The following RAPGEF2 variants were observed in gnomAD, a reference collection of about 807,000 sequenced individuals.
The protein encoded by RAPGEF2 is PDZ domain containing guanine nucleotide exchange factor (GEF) 1.
RAPGEF2 carries 54 observed loss-of-function variants against 186.7 expected under a neutral mutation model. That is an observed-to-expected ratio of 0.29 (90% CI 0.23 to 0.36). RAPGEF2 has a LOEUF of 0.36. RAPGEF2 is among the 10% of genes least tolerant of loss of function. RAPGEF2 has a pLI of 1.00. For synonymous variants in RAPGEF2, 712 were observed against 705.9 expected (o/e 1.01, Z -0.14); for missense variants, 1,532 against 2,045.0 (o/e 0.75, Z 4.84).
At chr4:159,256,993 C>T (rs1457162936) in intron 7 of RAPGEF2, among the ~76,000 whole-genome samples, 1 of 152,060 alleles carries the variant, frequency 6.6e-6, no homozygotes, top group Non-Finnish European at 1.5e-5. Flanking sequence ...TGTAGGTTGT[C>T]TATTCACTCT....
rs976268612 is a variant in RAPGEF2 at position 159,314,782 on chromosome 4, G to A, written c.853+14G>A. ...ATGATGACATTGGTAAGCTTGAACA[G>A]GAAAATGAATCTACGAGCAATTAAA... On this transcript the variant is annotated intron_variant, in intron 9 of 29. Coordinates refer to ENST00000691494, the MANE Select transcript of RAPGEF2 (RefSeq NM_001394067.2). 6.4e-7 allele frequency: 1 copy of A among 1,565,640 alleles called. No individual in the cohort carries two copies. Among genetic ancestry groups the A allele is most frequent in the East Asian group, 2.3e-5 (1 of 42,954 alleles).
At chr4:159,207,709 G>A (rs1188979014) in intron 3 of RAPGEF2, among the ~76,000 whole-genome samples, 1 of 152,126 alleles carries the variant, frequency 6.6e-6, no homozygotes. Context: ...TTGGGCTAAC[G>A]TTTTTTGTGA....
intron 1 of RAPGEF2, among the ~76,000 whole-genome samples, chr4:159,171,250 C>T (rs1227970021): frequency 6.6e-6 from 1 of 152,170 alleles, no homozygotes; most frequent in Admixed American, 6.5e-5. Context: ...CACTCCTCTC[C>T]GTTTGATTTT....
chr4:159,199,069 A>G (rs1749116632), intron 3 of RAPGEF2, among the ~76,000 whole-genome samples: 2 of 151,814 alleles, frequency 1.3e-5, no homozygotes, highest in African/African-American at 4.8e-5. Context: ...AAAAAAAAAA[A>G]AAAAAAAAAG....
rs1359685388 is a variant in RAPGEF2 at position 159,246,495 on chromosome 4, A to G, written c.543+2704A>G. Reference sequence around the variant, plus strand: ...ATTTCTTACAATGGGTGTATAAGATATAACCATTCCTAGGATATACCTTAA... The same window carrying G: ...ATTTCTTACAATGGGTGTATAAGATGTAACCATTCCTAGGATATACCTTAA... On this transcript the variant is annotated intron_variant, in intron 7 of 29. Coordinates refer to ENST00000691494, the MANE Select transcript of RAPGEF2 (RefSeq NM_001394067.2). Among the ~76,000 whole-genome samples the G allele has an allele frequency of 5.3e-5, 8 of 152,136 alleles. 1 individual carries two copies. Among genetic ancestry groups the G allele is most frequent in the Admixed American group, 4.6e-4 (7 of 15,280 alleles).
At chr4:159,241,146 A>G (rs11930477) in intron 5 of RAPGEF2, 55 bp from the exon 6 acceptor site, 239,891 of 1,316,534 alleles carry the variant, frequency 0.18, 22,629 homozygotes, top group Admixed American at 0.22. Context: ...TGTATCTAAT[A>G]TTAATAGGAA....
At chr4:159,193,170 G>A in intron 2 of RAPGEF2, 30 bp from the exon 3 acceptor site, 1 of 1,404,556 alleles carries the variant, frequency 7.1e-7, no homozygotes, top group Non-Finnish European at 9.4e-7. Context: ...AGTGACAGAT[G>A]TTGAACTCAT....
chr4:159,150,618 G>A (rs1477532545), intron 1 of RAPGEF2, among the ~76,000 whole-genome samples: 1 of 152,178 alleles, frequency 6.6e-6, no homozygotes, highest in African/African-American at 2.4e-5. Flanking sequence ...ATTGAAACAG[G>A]AAGGCAGAGG....
chr4:159,157,714 G>T (rs891534222), intron 1 of RAPGEF2, among the ~76,000 whole-genome samples: 13 of 152,158 alleles, frequency 8.5e-5, no homozygotes, highest in African/African-American at 3.1e-4. Flanking sequence ...GCTTTCTATT[G>T]CCATGGTTTT....
intron 4 of RAPGEF2, among the ~76,000 whole-genome samples, chr4:159,234,671 A>G (rs1208224783): frequency 1.3e-5 from 2 of 149,352 alleles, no homozygotes; most frequent in Non-Finnish European, 3.0e-5. Context: ...TTTATTGGCC[A>G]GTCTGGTCTC....
At chr4:159,235,995 T>G (rs1236480594) in intron 4 of RAPGEF2, among the ~76,000 whole-genome samples, 1 of 152,212 alleles carries the variant, frequency 6.6e-6, no homozygotes, top group Non-Finnish European at 1.5e-5. Context: ...ACTCTTTGGC[T>G]CCTTTGAGGC....
At chr4:159,108,333 G>A (rs955513682) in intron 1 of RAPGEF2, among the ~76,000 whole-genome samples, 2 of 147,850 alleles carry the variant, frequency 1.4e-5, no homozygotes, top group Non-Finnish European at 1.5e-5. Flanking sequence ...GCAGATACTC[G>A]TTTAATGCAG....
intron 8 of RAPGEF2, among the ~76,000 whole-genome samples, chr4:159,312,121 A>G (rs966674963): frequency 1.3e-5 from 2 of 152,118 alleles, no homozygotes; most frequent in Non-Finnish European, 2.9e-5. Flanking sequence ...TTTCTTTGGG[A>G]TGGTATAAAA....
chr4:159,166,694 A>G (rs1223300963), intron 1 of RAPGEF2, among the ~76,000 whole-genome samples: 3 of 152,070 alleles, frequency 2.0e-5, no homozygotes, highest in Non-Finnish European at 4.4e-5. Context: ...TAGTGTCTAT[A>G]TTGTCTTGTT....
intron 4 of RAPGEF2, among the ~76,000 whole-genome samples, chr4:159,219,647 G>A (rs1561100572): frequency 1.3e-5 from 2 of 152,124 alleles, no homozygotes; most frequent in Non-Finnish European, 2.9e-5. Context: ...GAGCCACCAC[G>A]CGCAGCCATA....
At chr4:159,249,977 A>G (rs1395737941) in intron 7 of RAPGEF2, among the ~76,000 whole-genome samples, 1 of 152,220 alleles carries the variant, frequency 6.6e-6, no homozygotes, top group Non-Finnish European at 1.5e-5. Context: ...TGGTAATTAA[A>G]ATTACTCGTA....
chr4:159,299,521 G>A (rs1254332959), intron 7 of RAPGEF2, among the ~76,000 whole-genome samples: 1 of 151,800 alleles, frequency 6.6e-6, no homozygotes. Context: ...TGGTACCACA[G>A]ATGCTGCGCT....
chr4:159,287,872 G>A (rs921316328), intron 7 of RAPGEF2, among the ~76,000 whole-genome samples: 1 of 152,158 alleles, frequency 6.6e-6, no homozygotes, highest in African/African-American at 2.4e-5. Context: ...TGTGAAATGT[G>A]AAGATTATAC....
intron 7 of RAPGEF2, among the ~76,000 whole-genome samples, chr4:159,251,683 A>G (rs762385323): frequency 7.2e-5 from 11 of 152,094 alleles, no homozygotes; most frequent in East Asian, 1.9e-4. Flanking sequence ...AAATGCACCA[A>G]TCAGCACTCT....
Sources: gnomAD v4.1 joint callset for allele counts (sites outside exome capture counted in the v4.1 genomes callset) on GRCh38, gnomAD v4.1.1 for gene constraint, MANE v1.5 for transcripts, NCBI Gene and HGNC (gene_info 2026-07-23, HGNC 2026-07-21) for gene names.